Variants in SLC9C1 observed in about 807,000 individuals in gnomAD.
SLC9C1 encodes the protein solute carrier family 9 member C1.
In SLC9C1, 97 loss-of-function variants were observed where a neutral mutation model predicts 140.9. The ratio of observed to expected loss-of-function variants is 0.69; its 90% CI spans 0.58 to 0.82. The LOEUF is 0.82. SLC9C1 is among the 40% of genes least tolerant of loss of function. SLC9C1 has a pLI of 0.00. For synonymous variants in SLC9C1, 440 were observed against 442.6 expected (o/e 0.99, Z 0.07); for missense variants, 1,340 against 1,389.3 (o/e 0.96, Z 0.56).
At chr3:112,216,961 T>A (rs1428155288) in intron 15 of SLC9C1, among the ~76,000 whole-genome samples, 1 of 152,082 alleles carries the variant, frequency 6.6e-6, no homozygotes, top group Non-Finnish European at 1.5e-5. Flanking sequence ...AACCCAAATG[T>A]CCATCAATGA....
At chr3:112,268,944 T>G (rs2079995815) in intron 7 of SLC9C1, among the ~76,000 whole-genome samples, 1 of 152,208 alleles carries the variant, frequency 6.6e-6, no homozygotes, top group African/African-American at 2.4e-5. Context: ...GTATGGCTAA[T>G]TATCAATAGC....
rs1261895213 is a variant in SLC9C1, at chr3:112,155,017, C to G, written c.3397G>C (p.Glu1133Gln). Residue 1133 changes from glutamate (E) to glutamine (Q), a missense_variant, in exon 27 of 29, where the codon GAA becomes CAA. Glu to Gln is a conservative substitution (Grantham distance 29). Coordinates refer to ENST00000305815, the MANE Select transcript of SLC9C1 (RefSeq NM_183061.3). ...TTTACCTCCTTAACATTTCTTTCTT[C>G]TTGAATGCCTTCTTCCAATGTTCCA... ...SVGTLEEGIQ[E>Q]ERNVKEDGAH... The G allele has an allele frequency of 6.2e-7, 1 of 1,605,038 alleles. No individual in the cohort carries two copies. The highest frequency in any genetic ancestry group is 1.7e-5 in the Admixed American group (1 of 59,218).
At chr3:112,262,075 G>T (rs1326807048) in intron 10 of SLC9C1, among the ~76,000 whole-genome samples, 1 of 151,948 alleles carries the variant, frequency 6.6e-6, no homozygotes, top group African/African-American at 2.4e-5. Context: ...TTGAGGTGAG[G>T]TGGAAATTAA....
chr3:112,206,557 G>A (rs1419923318), intron 16 of SLC9C1, among the ~76,000 whole-genome samples: 6 of 152,028 alleles, frequency 3.9e-5, no homozygotes, highest in South Asian at 4.1e-4. Context: ...TGTCTATTGC[G>A]GCACCATTCA....
At chr3:112,213,879 C>A (rs2078279537) in intron 15 of SLC9C1, among the ~76,000 whole-genome samples, 1 of 152,224 alleles carries the variant, frequency 6.6e-6, no homozygotes, top group Non-Finnish European at 1.5e-5. Flanking sequence ...CTACAGAACT[C>A]TCCACCCCAA....
intron 15 of SLC9C1, among the ~76,000 whole-genome samples, chr3:112,208,860 C>T (rs746579195): frequency 2.0e-5 from 3 of 152,110 alleles, no homozygotes; most frequent in East Asian, 1.9e-4. Context: ...CTTTTAACAA[C>T]GTATCATGAG....
At chr3:112,218,435 T>TTG (rs71134804) in intron 14 of SLC9C1, among the ~76,000 whole-genome samples, 114,784 of 143,380 alleles carry the variant, frequency 0.8, 43,773 homozygotes, top group East Asian at 0.99. Context: ...ACTTTAAAAC[T>TTG]TGTATATATA....
chr3:112,239,413 G>A (rs775123393), intron 12 of SLC9C1, among the ~76,000 whole-genome samples: 15 of 152,312 alleles, frequency 9.8e-5, no homozygotes, highest in Middle Eastern at 6.8e-3. Context: ...TGCGTGAGGC[G>A]ATGCCTCGCC....
intron 10 of SLC9C1, among the ~76,000 whole-genome samples, chr3:112,246,683 A>G (rs1349767403): frequency 6.6e-6 from 1 of 152,182 alleles, no homozygotes; most frequent in African/African-American, 2.4e-5. Flanking sequence ...AAATTACTTC[A>G]CAGAAAGAAA....
rs2079916348 is a variant in SLC9C1 at position 112,266,257 on chromosome 3, C to T, written c.859G>A (p.Glu287Lys). 6.2e-7 allele frequency: 1 copy of T among 1,609,768 alleles called. No individual in the cohort carries two copies. The highest frequency in any genetic ancestry group is 1.3e-5 in the African/African-American group (1 of 74,812). Reference protein sequence around the residue: ...LNSTSFKAAIEETLLLEFWTF... With the variant: ...LNSTSFKAAIKETLLLEFWTF... ...ACTTACTCAAGAAGAAGTGTTTCTT[C>T]AATTGCTGCTTTAAAACTTGTAGAA... is the stretch of plus-strand genomic sequence containing the variant. The change falls in exon 8 of 29, where the codon GAA (glutamate) becomes AAA (lysine). Residue 287 changes from glutamate to lysine, a missense_variant. Transcript: ENST00000305815.
chr3:112,249,967 G>A (rs1576445838), intron 10 of SLC9C1, among the ~76,000 whole-genome samples: 1 of 152,016 alleles, frequency 6.6e-6, no homozygotes, highest in Admixed American at 6.6e-5. Flanking sequence ...CAACGTGCAG[G>A]TTAGTTACAT....
intron 23 of SLC9C1, among the ~76,000 whole-genome samples, chr3:112,172,167 A>C (rs1177626337): frequency 6.6e-6 from 1 of 152,160 alleles, no homozygotes; most frequent in African/African-American, 2.4e-5. Flanking sequence ...TTTTTGAAGA[A>C]TGGATATCTT....
At chr3:112,171,549 A>G (rs1006962504) in intron 23 of SLC9C1, among the ~76,000 whole-genome samples, 1 of 152,180 alleles carries the variant, frequency 6.6e-6, no homozygotes, top group African/African-American at 2.4e-5. Context: ...CCCTAAGCCC[A>G]TGACTCATAT....
intron 23 of SLC9C1, among the ~76,000 whole-genome samples, chr3:112,178,057 A>G (rs895206697): frequency 9.2e-5 from 14 of 151,888 alleles, no homozygotes; most frequent in African/African-American, 3.1e-4. Flanking sequence ...AATTACAGCA[A>G]TTGTATTTAT....
In SLC9C1 at chr3:112,182,169, C is replaced by T; in HGVS notation, c.2613G>A (p.Trp871Ter). ...TVEEVLYHIP[W>*]LDKNKDYINF... ...TTATATAATCTTTGTTTTTATCTAG[C>T]CACGGAATATGATATAGAACTTCTT... The change falls in exon 21 of 29, where the codon TGG becomes TGA. Residue 871 changes from tryptophan (W) to a stop codon, truncating the protein, a stop_gained. Transcript: ENST00000305815. LOFTEE classifies it high-confidence loss of function. The T allele has an allele frequency of 6.3e-7, 1 of 1,586,436 alleles. No homozygotes were observed. Among genetic ancestry groups the T allele is most frequent in the Non-Finnish European group, 8.6e-7 (1 of 1,167,186 alleles).
intron 19 of SLC9C1, 35 bp from the exon 20 acceptor site, chr3:112,199,504 G>T: frequency 6.7e-7 from 1 of 1,489,492 alleles, no homozygotes; most frequent in South Asian, 1.4e-5. Context: ...GATTAAATAA[G>T]AACATTGTTT....
intron 10 of SLC9C1, among the ~76,000 whole-genome samples, chr3:112,261,137 T>C (rs538135906): frequency 6.6e-6 from 1 of 152,240 alleles, no homozygotes; most frequent in South Asian, 2.1e-4. Flanking sequence ...AACCAGGCAA[T>C]GTCCCTTATC....
chr3:112,211,232 C>A (rs1385719934), intron 15 of SLC9C1, among the ~76,000 whole-genome samples: 1 of 152,098 alleles, frequency 6.6e-6, no homozygotes, highest in Admixed American at 6.5e-5. Flanking sequence ...GGGGGCAGTT[C>A]CAAGATAGCC....
At chr3:112,235,893 G>A (rs1398212218) in intron 12 of SLC9C1, among the ~76,000 whole-genome samples, 1 of 152,122 alleles carries the variant, frequency 6.6e-6, no homozygotes, top group African/African-American at 2.4e-5. Context: ...GAGGATTTTT[G>A]CATCAATGTT....
Sources: gnomAD v4.1 joint callset for allele counts (sites outside exome capture counted in the v4.1 genomes callset) on GRCh38, gnomAD v4.1.1 for gene constraint, MANE v1.5 for transcripts, NCBI Gene and HGNC (gene_info 2026-07-23, HGNC 2026-07-21) for gene names.